Variants in TFDP2 observed in about 807,000 individuals in gnomAD.
TFDP2 encodes transcription factor Dp-2.
In TFDP2, 17 loss-of-function variants were observed where a neutral mutation model predicts 59.3. The observed-to-expected ratio is 0.29, with a 90% confidence interval of 0.20 to 0.43. The LOEUF (loss-of-function observed/expected upper bound fraction) is 0.43. TFDP2 is among the 20% of genes least tolerant of loss of function. The probability of loss-of-function intolerance (pLI) is 1.00; values close to 1 mark genes in which losing one functional copy is unlikely to be tolerated. For synonymous variants in TFDP2, 180 were observed against 194.7 expected (o/e 0.92, Z 0.63); for missense variants, 391 against 528.8 (o/e 0.74, Z 2.56).
In TFDP2 at chr3:141,968,909, TATAG is replaced by T. The variant is rs1938947794; in HGVS notation, c.732+1160_732+1163del. 3.0e-5 allele frequency among the ~76,000 whole-genome samples: 3 copies of T among 101,252 alleles called. 1 individual carries two copies. The highest frequency in any genetic ancestry group is 5.8e-4 in the South Asian group (2 of 3,456). The allele number at this position is 101,252 out of a possible 152,430, so 66.4% of individuals were successfully genotyped here. On this transcript the variant is annotated intron_variant, in intron 9 of 12. Coordinates refer to ENST00000489671, the MANE Select transcript of TFDP2 (RefSeq NM_001178139.2). Reference sequence around the variant, plus strand: ...ATATAACACATATATATCTCATATATATAGATATATATAACACATATATATCTCA... The same window carrying T: ...ATATAACACATATATATCTCATATATATATATATAACACATATATATCTCA...
intron 3 of TFDP2, among the ~76,000 whole-genome samples, chr3:142,043,069 C>T (rs536956908): frequency 8.5e-5 from 12 of 140,736 alleles, no homozygotes; most frequent in African/African-American, 3.2e-4. Context: ...TTTTTTGAGA[C>T]GGAGTCTCGC....
At chr3:142,066,316 T>A (rs2060073266) in intron 3 of TFDP2, among the ~76,000 whole-genome samples, 1 of 152,214 alleles carries the variant, frequency 6.6e-6, no homozygotes, top group South Asian at 2.1e-4. Context: ...TGAAGGTAAG[T>A]ATGATGCGGT....
Position 141,947,611 on chromosome 3 carries a change from G to A in TFDP2, c.*4902C>T, listed in dbSNP as rs1313129506. On this transcript the variant is annotated 3_prime_UTR_variant, in exon 13 of 13. Transcript: ENST00000489671. ...TGTATTTTCTAATGATTTTTCTACTGCATAGATTCAGTTGGAAAGTAGTGA... is the reference window on the plus strand; with the variant it reads ...TGTATTTTCTAATGATTTTTCTACTACATAGATTCAGTTGGAAAGTAGTGA... 6.6e-6 allele frequency: 1 copy of A among 152,056 alleles called. No homozygotes were observed. Among genetic ancestry groups the A allele is most frequent in the Non-Finnish European group, 1.5e-5 (1 of 68,016 alleles). The allele number at this position is 152,056 out of a possible 1,614,324, so 9.4% of individuals were successfully genotyped here. A position where few individuals can be genotyped will look rare whatever the true frequency, so the allele number is the denominator to read the frequency against.
At chr3:142,131,371 T>G (rs2062496368) in intron 1 of TFDP2, among the ~76,000 whole-genome samples, 1 of 150,088 alleles carries the variant, frequency 6.7e-6, no homozygotes, top group South Asian at 2.1e-4. Flanking sequence ...ACAAGACAAT[T>G]TTAATACACA....
intron 11 of TFDP2, among the ~76,000 whole-genome samples, chr3:141,953,328 T>C (rs1440142432): frequency 6.6e-6 from 1 of 152,166 alleles, no homozygotes; most frequent in African/African-American, 2.4e-5. Flanking sequence ...GCCCATGGGA[T>C]ACATCCCAGT....
At chr3:142,097,894 T>C (rs2108635127) in intron 2 of TFDP2, among the ~76,000 whole-genome samples, 1 of 152,238 alleles carries the variant, frequency 6.6e-6, no homozygotes, top group Admixed American at 6.5e-5. Flanking sequence ...CAAGTGATTA[T>C]CTTGCCTCAG....
intron 3 of TFDP2, among the ~76,000 whole-genome samples, chr3:142,057,777 T>C (rs1014151512): frequency 6.6e-6 from 1 of 152,252 alleles, no homozygotes; most frequent in Non-Finnish European, 1.5e-5. Flanking sequence ...TATAGAATTA[T>C]GTATGGCTAC....
At chr3:142,108,167 G>C (rs1368866112) in intron 1 of TFDP2, among the ~76,000 whole-genome samples, 1 of 151,520 alleles carries the variant, frequency 6.6e-6, no homozygotes, top group African/African-American at 2.4e-5. Flanking sequence ...TTGTTCTTCA[G>C]ACAGCCAAGA....
chr3:142,119,173 T>G (rs73236004), intron 1 of TFDP2, among the ~76,000 whole-genome samples: 12,636 of 151,632 alleles, frequency 0.083, 653 homozygotes, highest in Middle Eastern at 0.14. Context: ...AAAAAAAAAG[T>G]ACATTCCAAG....
chr3:142,122,164 C>A (rs546666624), intron 1 of TFDP2, among the ~76,000 whole-genome samples: 1 of 152,280 alleles, frequency 6.6e-6, no homozygotes, highest in South Asian at 2.1e-4. Flanking sequence ...ACCAGAGTAT[C>A]TTAAACTCAA....
intron 3 of TFDP2, among the ~76,000 whole-genome samples, chr3:142,064,200 C>T (rs2060004103): frequency 6.6e-6 from 1 of 152,194 alleles, no homozygotes; most frequent in African/African-American, 2.4e-5. Flanking sequence ...GATCTGTCCA[C>T]CTCGGCCTCC....
intron 9 of TFDP2, among the ~76,000 whole-genome samples, chr3:141,969,226 ATATG>A (rs2107982445): frequency 9.6e-6 from 1 of 104,516 alleles, no homozygotes; most frequent in Admixed American, 1.1e-4. Flanking sequence ...TATCTCATAT[ATATG>A]AGATATATAT....
At chr3:141,995,659 G>T (rs143330451) in intron 4 of TFDP2, among the ~76,000 whole-genome samples, 2 of 152,024 alleles carry the variant, frequency 1.3e-5, no homozygotes, top group South Asian at 4.2e-4. Flanking sequence ...CGAGGTGGGA[G>T]GATCACCTGA....
intron 3 of TFDP2, among the ~76,000 whole-genome samples, chr3:142,062,376 C>CAT (rs199776520): frequency 0.011 from 1,494 of 134,194 alleles, 17 homozygotes; most frequent in African/African-American, 0.039. Flanking sequence ...TATATATACA[C>CAT]ATATATATAT....
chr3:142,047,148 A>G (rs1247966050), intron 3 of TFDP2, among the ~76,000 whole-genome samples: 2 of 152,256 alleles, frequency 1.3e-5, no homozygotes, highest in South Asian at 2.1e-4. Flanking sequence ...AAGACTTCCA[A>G]TAGATGTGAA....
Position 141,947,215 on chromosome 3 carries a change from A to G in TFDP2, c.*5298T>C, listed in dbSNP as rs1285848490. ...CATAGTGTGGGTCTTTGGGAAATGC[A>G]TATTAGTTTTCATCAGTGCTTGGGG... On this transcript the variant is annotated 3_prime_UTR_variant, in exon 13 of 13. Coordinates refer to ENST00000489671, the MANE Select transcript of TFDP2 (RefSeq NM_001178139.2). The G allele has an allele frequency of 6.6e-6, 1 of 152,124 alleles. No homozygotes were observed. The highest frequency in any genetic ancestry group is 2.4e-5 in the African/African-American group (1 of 41,414). The allele number at this position is 152,124 out of a possible 1,614,324, so 9.4% of individuals were successfully genotyped here. A position where few individuals can be genotyped will look rare whatever the true frequency, so the allele number is the denominator to read the frequency against.
intron 6 of TFDP2, among the ~76,000 whole-genome samples, chr3:141,983,543 C>T: frequency 6.7e-6 from 1 of 150,244 alleles, no homozygotes; most frequent in East Asian, 2.0e-4. Context: ...GAGGCTGAGG[C>T]ATGAGAATCA....
chr3:142,117,629 G>A (rs2061890502), intron 1 of TFDP2, among the ~76,000 whole-genome samples: 1 of 152,198 alleles, frequency 6.6e-6, no homozygotes, highest in Non-Finnish European at 1.5e-5. Flanking sequence ...AGGTTAGGAG[G>A]TTAGGACTTG....
chr3:141,964,573 A>G lies in TFDP2; in HGVS notation c.733-610T>C, dbSNP rs11569257. The stretch of plus-strand genomic sequence containing the variant: ...AGGCTGAGGTGGGAGGATTGTTTGA[A>G]TCCAGGAGGCAGAATTTGCTGTGAG... On this transcript the variant is annotated intron_variant, in intron 9 of 12. Transcript: ENST00000489671. 5.2e-3 allele frequency among the ~76,000 whole-genome samples: 791 copies of G among 152,292 alleles called. 6 individuals carry two copies. The highest frequency in any genetic ancestry group is 0.018 in the African/African-American group (748 of 41,566).
Sources: gnomAD v4.1 joint callset for allele counts (sites outside exome capture counted in the v4.1 genomes callset) on GRCh38, gnomAD v4.1.1 for gene constraint, MANE v1.5 for transcripts, NCBI Gene and HGNC (gene_info 2026-07-23, HGNC 2026-07-21) for gene names.